SLC27A6: variants seen among roughly 807,000 people sequenced by gnomAD.
The protein encoded by SLC27A6 is long-chain fatty acid transport protein 6.
SLC27A6 carries 74 observed loss-of-function variants against 63.9 expected under a neutral mutation model. The ratio of observed to expected loss-of-function variants is 1.16; its 90% CI spans 0.96 to 1.40. The LOEUF (loss-of-function observed/expected upper bound fraction) is 1.40. Ranked by LOEUF, SLC27A6 falls within the 40% of genes most tolerant of loss-of-function variation. The probability of loss-of-function intolerance (pLI) is 0.00; values close to 1 mark genes in which losing one functional copy is unlikely to be tolerated. For missense variants in SLC27A6, 794 were observed against 732.9 expected, an observed-to-expected ratio of 1.08 and a Z score of -0.96; for synonymous variants, 287 against 260.8, an observed-to-expected ratio of 1.10 and a Z score of -0.97.
intron 3 of SLC27A6, among the ~76,000 whole-genome samples, chr5:128,990,032 A>G (rs953713120): frequency 1.3e-5 from 2 of 152,228 alleles, no homozygotes; most frequent in Non-Finnish European, 2.9e-5. Context: ...TCTATGAAGA[A>G]GGATGACTCT....
At chr5:129,002,947 T>C (rs1174710903) in intron 4 of SLC27A6, among the ~76,000 whole-genome samples, 1 of 152,226 alleles carries the variant, frequency 6.6e-6, no homozygotes, top group Non-Finnish European at 1.5e-5. Context: ...TCTTGCTGTT[T>C]CTCTACTTTG....
rs368801040 is a variant in SLC27A6 at position 128,966,408 on chromosome 5, A to G, written c.271A>G (p.Arg91Gly). 10 of 1,610,460 alleles carry G rather than the reference A, an allele frequency of 6.2e-6. No individual in the cohort carries two copies. Among genetic ancestry groups the G allele is most frequent in the Non-Finnish European group, 1.7e-6 (2 of 1,178,344 alleles). The change falls in exon 1 of 10, where the codon AGA (arginine) becomes GGA (glycine). Residue 91 changes from arginine to glycine, a missense_variant. By Grantham distance (125) the Arg-to-Gly change is moderately radical. Transcript: ENST00000262462. ...TYQDVDKRSS[R>G]VAHVFLNHSS... ...TCAGGATGTAGACAAAAGGAGCAGC[A>G]GAGTGGCCCATGTCTTCCTGAACCA...
chr5:129,008,733 A>G (rs1388590031), intron 4 of SLC27A6, among the ~76,000 whole-genome samples: 1 of 152,188 alleles, frequency 6.6e-6, no homozygotes, highest in African/African-American at 2.4e-5. Context: ...TCTTGAAAGG[A>G]GCTGCAGATG....
chr5:128,988,117 CAGA>C (rs1368770744), intron 2 of SLC27A6, among the ~76,000 whole-genome samples: 3 of 152,108 alleles, frequency 2.0e-5, no homozygotes, highest in African/African-American at 7.2e-5. Flanking sequence ...TACTGGAAGT[CAGA>C]AGATTATAGA....
intron 1 of SLC27A6, among the ~76,000 whole-genome samples, chr5:128,983,289 G>GTTTTTTTTTTTT (rs1195794733): frequency 1.8e-5 from 2 of 111,108 alleles, no homozygotes; most frequent in East Asian, 2.8e-4. Context: ...TCTGATCCGG[G>GTTTTTTTTTTTT]TTTTTTTTTT....
chr5:128,985,396 T>C, intron 2 of SLC27A6, 60 bp downstream of exon 2: 1 of 1,413,600 alleles, frequency 7.1e-7, no homozygotes, highest in Non-Finnish European at 1.0e-6. Flanking sequence ...AGCAACAGTG[T>C]TGGGCAAATT....
At position 129,033,109 on chromosome 5, in the gene SLC27A6, A is replaced by G. The variant is rs1752461951; in HGVS notation, c.1687A>G (p.Lys563Glu). ...CATCCTGGTAATTGCTTTACAGGAA[A>G]AAATGGAAGCAACAGGAACATTCAA... is the stretch of plus-strand genomic sequence containing the variant. ...ACPRFLRIQEKMEATGTFKLL... is the reference protein window; with the variant it reads ...ACPRFLRIQEEMEATGTFKLL... Residue 563 changes from lysine to glutamate, a missense_variant, in exon 10 of 10, where the codon AAA becomes GAA. Coordinates refer to ENST00000262462, the MANE Select transcript of SLC27A6 (RefSeq NM_001017372.3). 3 of 1,603,358 alleles carry G rather than the reference A, an allele frequency of 1.9e-6. No individual in the cohort carries two copies. In the East Asian group the frequency reaches 6.8e-5, roughly 36 times the overall value.
At position 128,985,142 on chromosome 5, in the gene SLC27A6, G is replaced by C. The variant is rs1287015708; in HGVS notation, c.491G>C (p.Gly164Ala). 1.9e-6 allele frequency: 3 copies of C among 1,613,066 alleles called. No homozygotes were observed. The highest frequency in any genetic ancestry group is 2.5e-6 in the Non-Finnish European group (3 of 1,179,698). ...RALVVGADLL[G>A]TVEEILPSLS... ...ACCCTTTGGCTTTTAGATTTGCTTG[G>C]AACGGTAGAAGAAATCCTTCCAAGC... Residue 164 changes from glycine to alanine, a missense_variant, in exon 2 of 10, where the codon GGA (glycine) becomes GCA (alanine). Transcript: ENST00000262462.
chr5:129,031,527 T>C (rs1201485547), intron 9 of SLC27A6, among the ~76,000 whole-genome samples: 2 of 151,974 alleles, frequency 1.3e-5, no homozygotes, highest in Non-Finnish European at 1.5e-5. Context: ...GATCAGACTC[T>C]TAACAGTTTG....
At position 129,033,087 on chromosome 5, in the gene SLC27A6, C is replaced by G. The variant is rs1343294860; in HGVS notation, c.1684-19C>G. 6.3e-7 allele frequency: 1 copy of G among 1,576,584 alleles called. No homozygotes were observed. The highest frequency in any genetic ancestry group is 8.7e-7 in the Non-Finnish European group (1 of 1,154,924). On this transcript the variant is annotated intron_variant, in intron 9 of 9. Coordinates refer to ENST00000262462, the MANE Select transcript of SLC27A6 (RefSeq NM_001017372.3). ...ATAGTTATTAAATGATTCTACTCAT[C>G]CTGGTAATTGCTTTACAGGAAAAAA...
chr5:129,000,880 A>G (rs1213618827), intron 4 of SLC27A6, among the ~76,000 whole-genome samples: 15 of 152,130 alleles, frequency 9.9e-5, no homozygotes, highest in Non-Finnish European at 4.4e-5. Context: ...CTTTCCCTCC[A>G]CTGTTCTCCC....
chr5:129,029,708 G>A lies in SLC27A6; in HGVS notation c.1683+1G>A. ...TTGTCCACGATTTTTAAGAATTCAGGTAATTTTAGTGGCGGAGTTTACTAT... is the reference window on the plus strand; with the variant it reads ...TTGTCCACGATTTTTAAGAATTCAGATAATTTTAGTGGCGGAGTTTACTAT... On this transcript the variant is annotated splice_donor_variant, in intron 9 of 9. Coordinates refer to ENST00000262462, the MANE Select transcript of SLC27A6 (RefSeq NM_001017372.3). LOFTEE classifies it high-confidence loss of function. The A allele has an allele frequency of 1.3e-6, 2 of 1,593,536 alleles. No individual in the cohort carries two copies. Among genetic ancestry groups the A allele is most frequent in the East Asian group, 4.5e-5 (2 of 44,518 alleles).
At chr5:128,978,142 T>C (rs940501541) in intron 1 of SLC27A6, among the ~76,000 whole-genome samples, 2 of 152,204 alleles carry the variant, frequency 1.3e-5, no homozygotes, top group Admixed American at 6.5e-5. Context: ...AAGGAAATAA[T>C]AGTATTATAA....
intron 4 of SLC27A6, among the ~76,000 whole-genome samples, chr5:128,996,460 T>C (rs1751163447): frequency 6.6e-6 from 1 of 152,162 alleles, no homozygotes; most frequent in Non-Finnish European, 1.5e-5. Flanking sequence ...AAAAGAGAGG[T>C]GTTTTAAAGT....
rs4068575 is a variant in SLC27A6 at position 129,006,071 on chromosome 5, G to GTTTTTTTTTTTTTTTT, written c.970-9804_970-9789dup. The stretch of plus-strand genomic sequence containing the variant: ...TAAAATTTTCATTCCTGTGCACACT[G>GTTTTTTTTTTTTTTTT]TTTTTTTTTTTTTTTTTTTTTTTTT... On this transcript the variant is annotated intron_variant, in intron 4 of 9. Transcript: ENST00000262462. Among the ~76,000 whole-genome samples, 330 of 60,126 alleles carry GTTTTTTTTTTTTTTTT rather than the reference G, an allele frequency of 5.5e-3. 71 individuals carry two copies. The highest frequency in any genetic ancestry group is 0.031 in the Middle Eastern group (2 of 64). 39.4% of individuals were successfully genotyped at this position (60,126 alleles called of 152,430 possible).
At chr5:128,998,679 A>G (rs1751237881) in intron 4 of SLC27A6, among the ~76,000 whole-genome samples, 1 of 152,144 alleles carries the variant, frequency 6.6e-6, no homozygotes, top group South Asian at 2.1e-4. Flanking sequence ...TTAATTTAAC[A>G]TTTAAAAACT....
At chr5:128,983,944 A>G (rs562508289) in intron 1 of SLC27A6, among the ~76,000 whole-genome samples, 1 of 152,274 alleles carries the variant, frequency 6.6e-6, no homozygotes, top group African/African-American at 2.4e-5. Context: ...CATTAACTCC[A>G]AAAGGCCAGT....
chr5:128,981,098 G>C (rs1750568834), intron 1 of SLC27A6, among the ~76,000 whole-genome samples: 1 of 152,014 alleles, frequency 6.6e-6, no homozygotes, highest in Non-Finnish European at 1.5e-5. Flanking sequence ...CATGTGGGAG[G>C]AAAAAAATAT....
chr5:128,967,489 A>C (rs1749949731), intron 1 of SLC27A6, among the ~76,000 whole-genome samples: 1 of 145,944 alleles, frequency 6.9e-6, no homozygotes, highest in Non-Finnish European at 1.6e-5. Context: ...AAAATATTTA[A>C]GTATTTTAGA....
Sources: gnomAD v4.1 joint callset for allele counts (sites outside exome capture counted in the v4.1 genomes callset) on GRCh38, gnomAD v4.1.1 for gene constraint, MANE v1.5 for transcripts, NCBI Gene and HGNC (gene_info 2026-07-23, HGNC 2026-07-21) for gene names.